F13B: variants seen among roughly 807,000 people sequenced by gnomAD.
F13B encodes the protein TGase.
In F13B, 58 loss-of-function variants were observed where a neutral mutation model predicts 79.8. The ratio of observed to expected loss-of-function variants is 0.73; its 90% CI spans 0.59 to 0.90. The LOEUF (loss-of-function observed/expected upper bound fraction) is 0.90, where lower values mean the gene tolerates loss of function less well. Among genes scored for constraint, F13B ranks in the 40% least tolerant of loss-of-function variants. The pLI is 0.00. For missense variants in F13B, 773 were observed against 777.0 expected (o/e 0.99, Z 0.06); for synonymous variants, 283 against 260.3 (o/e 1.09, Z -0.84).
At position 197,062,969 on chromosome 1, in the gene F13B, T is replaced by C; in HGVS notation, c.153A>G (p.Ile51Met). Reference protein sequence around the residue: ...TFKSFYFPMSIDKKLSFFCLA... With the variant: ...TFKSFYFPMSMDKKLSFFCLA... ...AGCAGAAAAATGACAATTTTTTGTCTATGCTCATTGGAAAGTAAAAGCTTT... is the reference window on the plus strand; with the variant it reads ...AGCAGAAAAATGACAATTTTTTGTCCATGCTCATTGGAAAGTAAAAGCTTT... Residue 51 changes from isoleucine (I) to methionine (M), a missense_variant, in exon 2 of 12, where the codon ATA (isoleucine) becomes ATG (methionine). Ile to Met is a conservative substitution (Grantham distance 10). Coordinates refer to ENST00000367412, the MANE Select transcript of F13B (RefSeq NM_001994.3). 6.2e-7 allele frequency: 1 copy of C among 1,613,868 alleles called. No homozygotes were observed. Among genetic ancestry groups the C allele is most frequent in the African/African-American group, 1.3e-5 (1 of 75,044 alleles).
chr1:197,060,664 C>T (rs1481351639), intron 4 of F13B, 122 bp from the exon 5 acceptor site: 2 of 761,410 alleles, frequency 2.6e-6, no homozygotes, highest in African/African-American at 3.5e-5. Flanking sequence ...CTTATGAATT[C>T]ATTTTATATA....
rs6003 is a variant in F13B, at chr1:197,061,891, C to T, written c.344G>A (p.Arg115His). 1,423,219 of 1,612,650 alleles carry T rather than the reference C, an allele frequency of 0.88. 638,098 individuals carry two copies. The highest frequency in any genetic ancestry group is 0.98 in the East Asian group (43,971 of 44,790). ...KLLYKIQENM[R>H]YGCASGYKTT... ...TTTGTACCCTGAAGCGCAACCATAA[C>T]GCATGTTCTCTTGAATTTTATACAA... The change falls in exon 3 of 12, where the codon CGT (arginine) becomes CAT (histidine). Residue 115 changes from arginine (R) to histidine (H), a missense_variant. Coordinates refer to ENST00000367412, the MANE Select transcript of F13B (RefSeq NM_001994.3).
rs375961962 is a variant in F13B, at chr1:197,040,659, G to A, written c.1815C>T (p.His605=). The change falls in exon 11 of 12, where the codon CAC becomes CAT. Residue 605 remains histidine, a synonymous_variant. Coordinates refer to ENST00000367412, the MANE Select transcript of F13B (RefSeq NM_001994.3). ...LLKWDFDNRP[H]ILHGEYIEFI... is the part of the protein sequence containing the mutation. ...ACTCAATATATTCACCATGCAAAAT[G>A]TGTGGTCTATTGTCAAAATCCCATT... 8.2e-5 allele frequency: 132 copies of A among 1,612,720 alleles called. No homozygotes were observed. In the Middle Eastern group the frequency reaches 2.3e-3, roughly 28 times the overall value.
intron 1 of F13B, 134 bp from the exon 2 acceptor site, chr1:197,063,191 A>C: frequency 1.3e-6 from 1 of 754,766 alleles, no homozygotes; most frequent in Non-Finnish European, 2.2e-6. Flanking sequence ...TTAAATTTTT[A>C]AGGTACTTTT....
At position 197,061,976 on chromosome 1, in the gene F13B, G is replaced by GA. The variant is rs745827511; in HGVS notation, c.266-8dup. The stretch of plus-strand genomic sequence containing the variant: ...TCAGGCTTAGTGCATTTTTCTATGG[G>GA]AAAAAAAATTATTTAACTTAATGAT... On this transcript the variant is annotated splice_polypyrimidine_tract_variant and splice_region_variant and intron_variant, in intron 2 of 11. Transcript: ENST00000367412. 160 of 1,605,176 alleles carry GA rather than the reference G, an allele frequency of 1.0e-4. No homozygotes were observed. Among genetic ancestry groups the GA allele is most frequent in the Non-Finnish European group, 1.1e-4 (132 of 1,174,412 alleles).
chr1:197,053,894 A>G (rs2125065444), intron 8 of F13B, among the ~76,000 whole-genome samples: 1 of 152,144 alleles, frequency 6.6e-6, no homozygotes, highest in East Asian at 1.9e-4. Context: ...CTGAAGTGAG[A>G]GCATTCTTGG....
chr1:197,061,571 G>A (rs1488517267), intron 3 of F13B, among the ~76,000 whole-genome samples: 2 of 151,918 alleles, frequency 1.3e-5, no homozygotes, highest in Non-Finnish European at 2.9e-5. Context: ...TGCAAAGTAG[G>A]AACTATTGGC....
intron 5 of F13B, among the ~76,000 whole-genome samples, chr1:197,057,751 C>A (rs548133753): frequency 6.6e-6 from 1 of 151,810 alleles, no homozygotes; most frequent in East Asian, 1.9e-4. Context: ...GCCATTCTTG[C>A]CAAGAGACTC....
At chr1:197,066,762 C>G (rs1656064056) in intron 1 of F13B, among the ~76,000 whole-genome samples, 1 of 152,082 alleles carries the variant, frequency 6.6e-6, no homozygotes, top group Non-Finnish European at 1.5e-5. Context: ...CCACATTAAA[C>G]TCTCACCTTA....
At chr1:197,044,283 G>T (rs889953639) in intron 10 of F13B, among the ~76,000 whole-genome samples, 1 of 152,012 alleles carries the variant, frequency 6.6e-6, no homozygotes, top group Non-Finnish European at 1.5e-5. Flanking sequence ...TAGCTCAGCA[G>T]TCTGAGATCA....
At chr1:197,044,570 C>T (rs949928288) in intron 10 of F13B, among the ~76,000 whole-genome samples, 1 of 152,106 alleles carries the variant, frequency 6.6e-6, no homozygotes, top group African/African-American at 2.4e-5. Context: ...GAGACTTTAA[C>T]ACCCCACTGT....
chr1:197,040,486 A>G (rs1210423260), intron 11 of F13B, 36 bp downstream of exon 11: 9 of 1,505,510 alleles, frequency 6.0e-6, no homozygotes, highest in Non-Finnish European at 8.3e-6. Flanking sequence ...ATCTGACCAA[A>G]AAAAATAATC....
chr1:197,056,889 G>A, intron 7 of F13B, 124 bp downstream of exon 7: 1 of 876,404 alleles, frequency 1.1e-6, no homozygotes, highest in East Asian at 2.6e-5. Context: ...AGTAGGTGCT[G>A]TAGCAATGTG....
At chr1:197,064,369 C>A (rs1448824082) in intron 1 of F13B, among the ~76,000 whole-genome samples, 1 of 152,088 alleles carries the variant, frequency 6.6e-6, no homozygotes, top group Non-Finnish European at 1.5e-5. Flanking sequence ...TAGTCCCAAA[C>A]TGGGAACAAT....
At position 197,050,849 on chromosome 1, in the gene F13B, AGAG is replaced by A. The variant is rs1366260792; in HGVS notation, c.1583_1585del (p.Pro528del). ...ACTAATAATGACTCCATGTTTAATA[AGAG>A]GAGGAGATGTGCACATTCCTTTAGA... On this transcript the variant is annotated inframe_deletion, in exon 10 of 12. Transcript: ENST00000367412. 3.7e-6 allele frequency: 6 copies of A among 1,613,114 alleles called. No homozygotes were observed. The Admixed American group carries it at 6.7e-5, about 18-fold the overall frequency.
intron 10 of F13B, among the ~76,000 whole-genome samples, chr1:197,047,982 G>T (rs908936331): frequency 1.3e-5 from 2 of 152,048 alleles, no homozygotes; most frequent in Admixed American, 1.3e-4. Context: ...AAACACCAGG[G>T]CCTGTCTGTG....
chr1:197,062,845 C>A lies in F13B; in HGVS notation c.265+12G>T. 6.2e-7 allele frequency: 1 copy of A among 1,613,052 alleles called. No homozygotes were observed. ...GTATTGAAACATTGAGTGACATATC[C>A]AGCTGACTTACTGAAGCACCTTGGC... On this transcript the variant is annotated intron_variant, in intron 2 of 11. Transcript: ENST00000367412.
chr1:197,039,824 A>G (rs1318986397), intron 11 of F13B, among the ~76,000 whole-genome samples: 1 of 152,042 alleles, frequency 6.6e-6, no homozygotes, highest in Non-Finnish European at 1.5e-5. Context: ...TGTAGTTCAT[A>G]CAGTTCATTG....
intron 1 of F13B, among the ~76,000 whole-genome samples, chr1:197,063,263 G>A (rs1655933866): frequency 6.6e-6 from 1 of 152,038 alleles, no homozygotes; most frequent in Non-Finnish European, 1.5e-5. Context: ...ACATCCAACA[G>A]TCATGATAAA....
Sources: gnomAD v4.1 joint callset for allele counts (sites outside exome capture counted in the v4.1 genomes callset) on GRCh38, gnomAD v4.1.1 for gene constraint, MANE v1.5 for transcripts, NCBI Gene and HGNC (gene_info 2026-07-23, HGNC 2026-07-21) for gene names.